MTMR2: variants seen among roughly 807,000 people sequenced by gnomAD.
MTMR2 encodes phosphatidylinositol-3,5-bisphosphate 3-phosphatase MTMR2.
MTMR2 carries 55 observed loss-of-function variants against 86.9 expected under a neutral mutation model. The ratio of observed to expected loss-of-function variants is 0.63; its 90% CI spans 0.51 to 0.79. The LOEUF is 0.79. MTMR2 is among the 30% of genes least tolerant of loss of function. The pLI, the probability that MTMR2 is intolerant of heterozygous loss-of-function variation, is 0.00. For synonymous variants in MTMR2, 241 were observed against 266.8 expected, an observed-to-expected ratio of 0.90 and a Z score of 0.94; for missense variants, 659 against 772.3, an observed-to-expected ratio of 0.85 and a Z score of 1.74.
intron 2 of MTMR2, among the ~76,000 whole-genome samples, chr11:95,876,908 C>T (rs943039295): frequency 1.3e-5 from 2 of 151,976 alleles, no homozygotes; most frequent in African/African-American, 2.4e-5. Flanking sequence ...ACTATAAACT[C>T]GATCTAGAAG....
intron 6 of MTMR2, among the ~76,000 whole-genome samples, chr11:95,858,215 T>C (rs1213865445): frequency 6.6e-6 from 1 of 152,080 alleles, no homozygotes; most frequent in Non-Finnish European, 1.5e-5. Flanking sequence ...GTTAACTGGC[T>C]CCCAATTAAA....
chr11:95,870,233 A>T (rs1314418068), intron 2 of MTMR2, among the ~76,000 whole-genome samples: 2 of 152,156 alleles, frequency 1.3e-5, no homozygotes, highest in Non-Finnish European at 2.9e-5. Flanking sequence ...TTAATGGAAA[A>T]ATTCTGATGG....
At chr11:95,887,280 A>G (rs1174330360) in intron 2 of MTMR2, among the ~76,000 whole-genome samples, 1 of 152,220 alleles carries the variant, frequency 6.6e-6, no homozygotes, top group African/African-American at 2.4e-5. Context: ...TGGAATAAAA[A>G]GATTCTGACA....
At chr11:95,845,240 A>G (rs1384860944) in intron 10 of MTMR2, 81 bp from the exon 11 acceptor site, 1 of 1,156,696 alleles carries the variant, frequency 8.6e-7, no homozygotes, top group Non-Finnish European at 1.3e-6. Context: ...ACAGCTTATC[A>G]GGGATCATTA....
At chr11:95,903,011 G>A (rs1426428782) in intron 1 of MTMR2, among the ~76,000 whole-genome samples, 3 of 152,130 alleles carry the variant, frequency 2.0e-5, no homozygotes, top group Non-Finnish European at 2.9e-5. Context: ...GCTGCCAACT[G>A]CTGTAATTCT....
chr11:95,863,655 A>G (rs959109628), intron 3 of MTMR2, among the ~76,000 whole-genome samples: 3 of 152,120 alleles, frequency 2.0e-5, no homozygotes, highest in African/African-American at 7.2e-5. Context: ...TTTCTTACTC[A>G]TGTAAGAAAA....
At chr11:95,901,500 A>C (rs1364375055) in intron 1 of MTMR2, among the ~76,000 whole-genome samples, 1 of 152,192 alleles carries the variant, frequency 6.6e-6, no homozygotes, top group South Asian at 2.1e-4. Flanking sequence ...GTGAAACCCC[A>C]TCCCTCCCCT....
intron 2 of MTMR2, among the ~76,000 whole-genome samples, chr11:95,874,349 A>G (rs927971278): frequency 2.6e-5 from 4 of 152,154 alleles, no homozygotes; most frequent in Non-Finnish European, 4.4e-5. Flanking sequence ...CCATTATGTA[A>G]TGGCCTCTTT....
At chr11:95,899,080 G>C (rs1223861436) in intron 1 of MTMR2, among the ~76,000 whole-genome samples, 1 of 152,130 alleles carries the variant, frequency 6.6e-6, no homozygotes, top group African/African-American at 2.4e-5. Flanking sequence ...CTGTACTTTA[G>C]GAAGACTTTT....
chr11:95,897,375 G>C (rs1438438005), intron 1 of MTMR2, among the ~76,000 whole-genome samples: 1 of 152,062 alleles, frequency 6.6e-6, no homozygotes, highest in Non-Finnish European at 1.5e-5. Context: ...AAATTTTTTA[G>C]TATTTTAATT....
At chr11:95,851,198 G>A (rs1332057651) in intron 7 of MTMR2, among the ~76,000 whole-genome samples, 1 of 151,140 alleles carries the variant, frequency 6.6e-6, no homozygotes, top group Admixed American at 6.6e-5. Context: ...GAGTAGCTGG[G>A]ACTACAGCCG....
intron 5 of MTMR2, among the ~76,000 whole-genome samples, chr11:95,860,556 G>C (rs1346098051): frequency 1.3e-5 from 2 of 152,040 alleles, no homozygotes; most frequent in African/African-American, 2.4e-5. Context: ...TAATACCAGA[G>C]TCACAAAACT....
rs1863549866 is a variant in MTMR2, at chr11:95,841,620, T to A, written c.1476A>T (p.Arg492Ser). 3 of 1,608,592 alleles carry A rather than the reference T, an allele frequency of 1.9e-6. No homozygotes were observed. Among genetic ancestry groups the A allele is most frequent in the Non-Finnish European group, 2.6e-6 (3 of 1,175,044 alleles). The change falls in exon 12 of 15, where the codon AGA (arginine) becomes AGT (serine). Residue 492 changes from arginine to serine, a missense_variant. Physicochemically the swap from Arg to Ser is moderately radical, Grantham distance 110 (BLOSUM62 -1). This residue lies in a region of MTMR2 where 193 missense variants were observed against 191.6 expected (regional missense o/e 1.01). Coordinates refer to ENST00000346299, the MANE Select transcript of MTMR2 (RefSeq NM_016156.6). Reference sequence around the variant, plus strand: ...ATACATAGGCCAGATAAATTACCTGTCTTGTCATCTGCCAGACACAGTCAA... The same window carrying A: ...ATACATAGGCCAGATAAATTACCTGACTTGTCATCTGCCAGACACAGTCAA... The part of the protein sequence containing the change: ...QFIDCVWQMT[R>S]QFPTAFEFNE...
intron 1 of MTMR2, among the ~76,000 whole-genome samples, chr11:95,888,795 A>G (rs1865608815): frequency 1.3e-5 from 2 of 152,154 alleles, no homozygotes; most frequent in Non-Finnish European, 2.9e-5. Flanking sequence ...GAAGCAGCCA[A>G]TTCTGGCCAG....
At chr11:95,837,638 T>A (rs563543466) in intron 13 of MTMR2, among the ~76,000 whole-genome samples, 1 of 152,218 alleles carries the variant, frequency 6.6e-6, no homozygotes, top group Admixed American at 6.5e-5. Flanking sequence ...TGAATTTTTT[T>A]ATGGTATTAC....
chr11:95,893,261 C>T (rs2135561040), intron 1 of MTMR2, among the ~76,000 whole-genome samples: 1 of 152,260 alleles, frequency 6.6e-6, no homozygotes, highest in East Asian at 1.9e-4. Context: ...CCCACTTCAG[C>T]AATGTGCATC....
At chr11:95,866,640 A>G (rs755235020) in intron 2 of MTMR2, among the ~76,000 whole-genome samples, 1 of 150,242 alleles carries the variant, frequency 6.7e-6, no homozygotes, top group Non-Finnish European at 1.5e-5. Flanking sequence ...TGCCACATCT[A>G]AACTTCAGAA....
chr11:95,903,909 T>C (rs552328228), intron 1 of MTMR2, among the ~76,000 whole-genome samples: 4 of 152,166 alleles, frequency 2.6e-5, no homozygotes, highest in South Asian at 2.1e-4. Flanking sequence ...GGTCAGGAGA[T>C]TGACACTACC....
rs777455436 is a variant in MTMR2, at chr11:95,923,922, G to A, written c.33C>T (p.Gly11=). MEKSSSCESL[G]SQPAAARPPS... ...GCGGCCGAGCCGCCGCCGGCTGGGAGCCAAGACTCTCGCAGCTCGAGCTCT... is the reference window on the plus strand; with the variant it reads ...GCGGCCGAGCCGCCGCCGGCTGGGAACCAAGACTCTCGCAGCTCGAGCTCT... Residue 11 remains glycine (G), a synonymous_variant, in exon 1 of 15, where the codon GGC becomes GGT. Transcript: ENST00000346299. 34 of 1,561,374 alleles carry A rather than the reference G, an allele frequency of 2.2e-5. 1 individual carries two copies. In the African/African-American group the frequency reaches 3.0e-4, roughly 14 times the overall value.
Sources: gnomAD v4.1 joint callset for allele counts (sites outside exome capture counted in the v4.1 genomes callset) on GRCh38, gnomAD v4.1.1 for gene constraint, gnomAD v4.1.1 regional missense constraint, MANE v1.5 for transcripts, NCBI Gene and HGNC (gene_info 2026-07-23, HGNC 2026-07-21) for gene names.